Variants in NBR1 observed in about 807,000 individuals in gnomAD.
The protein encoded by NBR1 is NBR1 autophagy cargo receptor.
Under a neutral mutation model 115.5 loss-of-function variants are expected in NBR1, and 59 were observed. That is an observed-to-expected ratio of 0.51 (90% CI 0.41 to 0.63). The LOEUF is 0.63. Among genes scored for constraint, NBR1 ranks in the 30% least tolerant of loss-of-function variants. NBR1 has a pLI of 0.00. For missense variants in NBR1, 1,043 were observed against 1,150.5 expected, an observed-to-expected ratio of 0.91 and a Z score of 1.35; for synonymous variants, 373 against 414.7, an observed-to-expected ratio of 0.90 and a Z score of 1.22.
chr17:43,176,068 A>C, intron 2 of NBR1, 167 bp downstream of exon 2: 1 of 505,878 alleles, frequency 2.0e-6, no homozygotes, highest in Non-Finnish European at 3.6e-6. Context: ...CATATATGAG[A>C]TGTGCCCCAA....
At chr17:43,198,635 G>C (rs1388355244) in intron 16 of NBR1, among the ~76,000 whole-genome samples, 1 of 151,180 alleles carries the variant, frequency 6.6e-6, no homozygotes, top group Non-Finnish European at 1.5e-5. Context: ...CTGGGTGACA[G>C]AGCGAGACTC....
At chr17:43,185,812 C>T (rs187989274) in intron 5 of NBR1, among the ~76,000 whole-genome samples, 1 of 152,112 alleles carries the variant, frequency 6.6e-6, no homozygotes, top group Non-Finnish European at 1.5e-5. Context: ...GCCTAGCCAA[C>T]ATAGTGAAAC....
At chr17:43,209,862 A>ATTTTTT in intron 20 of NBR1, 39 bp from the exon 21 acceptor site, 2 of 1,367,016 alleles carry the variant, frequency 1.5e-6, no homozygotes, top group East Asian at 2.7e-5. Flanking sequence ...ATTATACAGA[A>ATTTTTT]TTTTTTTTTT....
Position 43,200,327 on chromosome 17 carries a change from A to G in NBR1, c.2187A>G (p.Ser729=), listed in dbSNP as rs942094773. Residue 729 remains serine, a synonymous_variant, in exon 17 of 21, where the codon TCA becomes TCG. Transcript: ENST00000590996. ...TTCAAAGTCAGTCCTCTGCTTCCTC[A>G]GAGGATTACATCATCATCCTGCCTG... ...DEVQSQSSAS[S]EDYIIILPEC... The G allele has an allele frequency of 1.9e-6, 3 of 1,552,694 alleles. No individual in the cohort carries two copies. The African/African-American group carries it at 4.1e-5, about 21-fold the overall frequency.
intron 20 of NBR1, chr17:43,209,547 AT>A (rs1393852213): frequency 1.4e-5 from 21 of 1,531,230 alleles, no homozygotes; most frequent in Non-Finnish European, 1.6e-5. Context: ...AATTACACTT[AT>A]GTTCACAGGG....
At chr17:43,179,684 A>G (rs978068442) in intron 4 of NBR1, among the ~76,000 whole-genome samples, 2 of 152,190 alleles carry the variant, frequency 1.3e-5, no homozygotes, top group African/African-American at 4.8e-5. Context: ...TTCAACACAT[A>G]TAAGTATTCC....
rs1467704741 is a variant in NBR1, at chr17:43,209,580, C to T, written c.2728-321C>T. On this transcript the variant is annotated intron_variant, in intron 20 of 20. Coordinates refer to ENST00000590996, the MANE Select transcript of NBR1 (RefSeq NM_005899.5). The stretch of plus-strand genomic sequence containing the variant: ...AGGGTCTCTGGGGCTTGCTGTCATT[C>T]CTTCATCTGGCCAAAAAATGCTTCT... 5 of 1,535,308 alleles carry T rather than the reference C, an allele frequency of 3.3e-6. No individual in the cohort carries two copies. In the East Asian group the frequency reaches 9.8e-5, roughly 30 times the overall value.
Position 43,210,699 on chromosome 17 carries a change from C to G in NBR1, c.*625C>G. 1 of 398,506 alleles carries G rather than the reference C, an allele frequency of 2.5e-6. No homozygotes were observed. Among genetic ancestry groups the G allele is most frequent in the Non-Finnish European group, 4.4e-6 (1 of 226,046 alleles). The allele number at this position is 398,506 out of a possible 1,614,324, so 24.7% of individuals were successfully genotyped here. On this transcript the variant is annotated 3_prime_UTR_variant, in exon 21 of 21. Transcript: ENST00000590996. The stretch of plus-strand genomic sequence containing the variant: ...CAAGAGTATCCAACTTCAAGGGAAT[C>G]TCCGCATTTCAATGAAAGGAGGAAG...
intron 14 of NBR1, 31 bp downstream of exon 14, chr17:43,195,070 T>A: frequency 6.4e-7 from 1 of 1,574,626 alleles, no homozygotes; most frequent in Non-Finnish European, 8.7e-7. Context: ...ATCTTGTTCG[T>A]CTTACTAATA....
Position 43,186,454 on chromosome 17 carries a change from G to T in NBR1, c.402+10G>T, listed in dbSNP as rs1283558814. The T allele has an allele frequency of 2.0e-6, 3 of 1,525,240 alleles. No homozygotes were observed. The highest frequency in any genetic ancestry group is 1.4e-5 in the African/African-American group (1 of 70,994). The allele number at this position is 1,525,240 out of a possible 1,614,324, so 94.5% of individuals were successfully genotyped here. The stretch of plus-strand genomic sequence containing the variant: ...GGATCCTGCAGTGCAGGTATGAAGG[G>T]TATGGCCCAGTCTATCCAATATCGT... On this transcript the variant is annotated intron_variant, in intron 6 of 20. Coordinates refer to ENST00000590996, the MANE Select transcript of NBR1 (RefSeq NM_005899.5).
chr17:43,202,929 G>A (rs774656641), intron 19 of NBR1, among the ~76,000 whole-genome samples: 2 of 152,200 alleles, frequency 1.3e-5, no homozygotes, highest in East Asian at 1.9e-4. Context: ...AGGCCGAGGC[G>A]GGTGGATCAT....
At position 43,184,658 on chromosome 17, in the gene NBR1, G is replaced by A. The variant is rs183306608; in HGVS notation, c.208-1592G>A. 4.6e-3 allele frequency among the ~76,000 whole-genome samples: 691 copies of A among 151,626 alleles called. 9 individuals are homozygous for A. The highest frequency in any genetic ancestry group is 0.016 in the African/African-American group (675 of 41,404). ...TGGGATTACAGGCATGAGCCACCGCGCCTGGCCCCAAAATACTATTTTTAT... is the reference window on the plus strand; with the variant it reads ...TGGGATTACAGGCATGAGCCACCGCACCTGGCCCCAAAATACTATTTTTAT... On this transcript the variant is annotated intron_variant, in intron 5 of 20. Coordinates refer to ENST00000590996, the MANE Select transcript of NBR1 (RefSeq NM_005899.5).
intron 16 of NBR1, among the ~76,000 whole-genome samples, chr17:43,199,923 G>A (rs1388450145): frequency 2.0e-5 from 3 of 152,142 alleles, no homozygotes; most frequent in African/African-American, 7.2e-5. Context: ...GATTCATAGA[G>A]CTTCTTGGAA....
At chr17:43,199,337 C>T (rs1165443346) in intron 16 of NBR1, among the ~76,000 whole-genome samples, 1 of 151,398 alleles carries the variant, frequency 6.6e-6, no homozygotes, top group African/African-American at 2.4e-5. Context: ...GGCCTCCCAA[C>T]GTGCTGGGAT....
In NBR1 at chr17:43,210,234, A is replaced by C; in HGVS notation, c.*160A>C. 1 of 541,322 alleles carries C rather than the reference A, an allele frequency of 1.8e-6. No individual in the cohort carries two copies. The highest frequency in any genetic ancestry group is 2.9e-6 in the Non-Finnish European group (1 of 346,228). 33.5% of individuals were successfully genotyped at this position (541,322 alleles called of 1,614,324 possible). A position where few individuals can be genotyped will look rare whatever the true frequency, so the allele number is the denominator to read the frequency against. ...CAATACCTGCTACAGTATTTTGGGG[A>C]GCAAACTAAAGACCAGAACTTAAAT... is the stretch of plus-strand genomic sequence containing the variant. On this transcript the variant is annotated 3_prime_UTR_variant, in exon 21 of 21. Coordinates refer to ENST00000590996, the MANE Select transcript of NBR1 (RefSeq NM_005899.5).
chr17:43,178,428 G>A (rs2056581276), intron 3 of NBR1, among the ~76,000 whole-genome samples: 1 of 149,334 alleles, frequency 6.7e-6, no homozygotes, highest in Middle Eastern at 3.5e-3. Context: ...CTAGGCTGGA[G>A]TGCAGTGGTG....
rs758216743 is a variant in NBR1 at position 43,201,697 on chromosome 17, G to A, written c.2480G>A (p.Cys827Tyr). The A allele has an allele frequency of 6.2e-7, 1 of 1,600,728 alleles. No homozygotes were observed. The highest frequency in any genetic ancestry group is 1.1e-5 in the South Asian group (1 of 90,776). The change falls in exon 18 of 21, where the codon TGT becomes TAT. Residue 827 changes from cysteine to tyrosine, a missense_variant. Coordinates refer to ENST00000590996, the MANE Select transcript of NBR1 (RefSeq NM_005899.5). ...TGTCTTTCTGAAAGGAGCTCTCCTTGTGTACATCATCATGGTTCCCCAGGA... is the reference window on the plus strand; with the variant it reads ...TGTCTTTCTGAAAGGAGCTCTCCTTATGTACATCATCATGGTTCCCCAGGA... ...LPPSLPRSSP[C>Y]VHHHGSPGVD...
chr17:43,208,180 A>G (rs1307250552), intron 20 of NBR1, among the ~76,000 whole-genome samples: 4 of 152,302 alleles, frequency 2.6e-5, no homozygotes, highest in East Asian at 3.9e-4. Context: ...ACACTTTCAA[A>G]TAGACAGGCT....
chr17:43,209,228 C>T (rs2057372245), intron 20 of NBR1, among the ~76,000 whole-genome samples: 1 of 152,054 alleles, frequency 6.6e-6, no homozygotes, highest in African/African-American at 2.4e-5. Context: ...AGGCGCCTGC[C>T]ACCACGCCTG....
Sources: gnomAD v4.1 joint callset for allele counts (sites outside exome capture counted in the v4.1 genomes callset) on GRCh38, gnomAD v4.1.1 for gene constraint, MANE v1.5 for transcripts, NCBI Gene and HGNC (gene_info 2026-07-23, HGNC 2026-07-21) for gene names.